ELAVL4: variants seen among roughly 807,000 people sequenced by gnomAD.
The protein encoded by ELAVL4 is ELAV-like protein 4.
In ELAVL4, 1 loss-of-function variant was observed where a neutral mutation model predicts 35.6. That is an observed-to-expected ratio of 0.03 (90% confidence interval 0.01 to 0.13). The LOEUF (loss-of-function observed/expected upper bound fraction) is 0.13. Ranked by LOEUF, ELAVL4 falls within the 10% of genes least tolerant of loss-of-function variation. The probability of loss-of-function intolerance (pLI) is 1.00; values close to 1 mark genes in which losing one functional copy is unlikely to be tolerated. For synonymous variants in ELAVL4, 156 were observed against 171.0 expected (o/e 0.91, Z 0.69); for missense variants, 267 against 464.9 (o/e 0.57, Z 3.91).
At chr1:50,137,796 T>G (rs1672133852) in intron 1 of ELAVL4, among the ~76,000 whole-genome samples, 1 of 152,216 alleles carries the variant, frequency 6.6e-6, no homozygotes, top group African/African-American at 2.4e-5. Flanking sequence ...CTTTTGATTA[T>G]ATTGCTAATC....
At chr1:50,146,464 A>G (rs1673744902) in intron 2 of ELAVL4, among the ~76,000 whole-genome samples, 1 of 152,208 alleles carries the variant, frequency 6.6e-6, no homozygotes, top group Admixed American at 6.5e-5. Flanking sequence ...GACTAGATAT[A>G]TTGCATCTAG....
intron 1 of ELAVL4, among the ~76,000 whole-genome samples, chr1:50,085,347 A>G (rs1665191137): frequency 1.3e-5 from 2 of 152,216 alleles, no homozygotes; most frequent in Admixed American, 1.3e-4. Context: ...TGTAATACAG[A>G]GAACAGCAGT....
intron 6 of ELAVL4, 158 bp from the exon 7 acceptor site, chr1:50,200,693 C>G: frequency 7.1e-7 from 1 of 1,403,690 alleles, no homozygotes; most frequent in Non-Finnish European, 9.6e-7. Context: ...GAGGAAATGA[C>G]ATAGACATTA....
At chr1:50,127,745 A>T (rs1423223157) in intron 1 of ELAVL4, among the ~76,000 whole-genome samples, 2 of 152,134 alleles carry the variant, frequency 1.3e-5, no homozygotes, top group African/African-American at 4.8e-5. Flanking sequence ...CGAGACACAG[A>T]ATGGTTAAGT....
In ELAVL4 at chr1:50,166,224, G is replaced by A. The variant is rs551029571; in HGVS notation, c.251-10865G>A. Among the ~76,000 whole-genome samples the A allele has an allele frequency of 5.7e-4, 86 of 152,160 alleles. 1 individual carries two copies. The highest frequency in any genetic ancestry group is 1.9e-3 in the African/African-American group (79 of 41,512). On this transcript the variant is annotated intron_variant, in intron 2 of 6. Transcript: ENST00000371824. The stretch of plus-strand genomic sequence containing the variant: ...ACCATCACAGGTCCACCCCTTGTCA[G>A]CTTGAACCCATACACATCTCTTGAG...
intron 1 of ELAVL4, among the ~76,000 whole-genome samples, chr1:50,080,061 G>A (rs932055685): frequency 2.0e-5 from 3 of 152,130 alleles, no homozygotes; most frequent in Admixed American, 2.0e-4. Context: ...ATCTGGGATG[G>A]TTAGAACAGC....
intron 1 of ELAVL4, 91 bp from the exon 2 acceptor site, chr1:50,144,866 C>T (rs1673415303): frequency 1.3e-6 from 2 of 1,559,604 alleles, no homozygotes; most frequent in Non-Finnish European, 1.7e-6. Flanking sequence ...ATCTTCTTCT[C>T]TTTCTTTTCA....
At chr1:50,125,423 GA>G (rs990836277) in intron 1 of ELAVL4, among the ~76,000 whole-genome samples, 1 of 151,808 alleles carries the variant, frequency 6.6e-6, no homozygotes, top group African/African-American at 2.4e-5. Context: ...TGATGAGCTG[GA>G]ACCGTCAATG....
chr1:50,182,956 C>A (rs1681271200), intron 3 of ELAVL4, among the ~76,000 whole-genome samples: 1 of 151,670 alleles, frequency 6.6e-6, no homozygotes, highest in Admixed American at 6.6e-5. Flanking sequence ...CTCCCGGGAT[C>A]AAGCAATTCT....
chr1:50,103,917 T>C, upstream of ELAVL4: 1 of 1,613,410 alleles, frequency 6.2e-7, no homozygotes, highest in Non-Finnish European at 8.5e-7. Flanking sequence ...TCAGTCTGAC[T>C]TGGAGTTTTG....
intron 1 of ELAVL4, among the ~76,000 whole-genome samples, chr1:50,126,339 C>A (rs1337106320): frequency 6.6e-6 from 1 of 152,048 alleles, no homozygotes; most frequent in Non-Finnish European, 1.5e-5. Flanking sequence ...AGGCCTGGGG[C>A]TCTGTGAAGA....
intron 1 of ELAVL4, among the ~76,000 whole-genome samples, chr1:50,116,591 C>CT (rs200320996): frequency 9.3e-5 from 14 of 151,050 alleles, no homozygotes; most frequent in African/African-American, 3.2e-4. Context: ...CTGAGTTGAA[C>CT]TTTTTTTTTC....
At position 50,187,271 on chromosome 1, in the gene ELAVL4, C is replaced by A. The variant is rs558936266; in HGVS notation, c.355-6494C>A. ...CCTACATGTCAGGGACTGTTGTATT[C>A]ATCTCTACACCCTTGGTGTCTAGCA... is the stretch of plus-strand genomic sequence containing the variant. On this transcript the variant is annotated intron_variant, in intron 3 of 6. Coordinates refer to ENST00000371824, the MANE Select transcript of ELAVL4 (RefSeq NM_001144774.3). Among the ~76,000 whole-genome samples the A allele has an allele frequency of 9.9e-5, 15 of 152,268 alleles. No homozygotes were observed. The South Asian group carries it at 2.3e-3, about 23-fold the overall frequency.
upstream of ELAVL4, chr1:50,108,791 G>T (rs80221483): frequency 8.5e-6 from 3 of 352,744 alleles, no homozygotes; most frequent in Admixed American, 6.4e-5. Flanking sequence ...CATTAACATC[G>T]TCAATCTGGC....
At chr1:50,056,247 C>G (rs1663663441) in intron 1 of ELAVL4, among the ~76,000 whole-genome samples, 1 of 152,142 alleles carries the variant, frequency 6.6e-6, no homozygotes, top group Non-Finnish European at 1.5e-5. Flanking sequence ...AGTCACACCC[C>G]AAGTTTGTAT....
intron 1 of ELAVL4, among the ~76,000 whole-genome samples, chr1:50,073,506 G>A (rs1263523778): frequency 1.3e-5 from 2 of 151,866 alleles, no homozygotes; most frequent in Non-Finnish European, 2.9e-5. Flanking sequence ...AGGTGTTGAG[G>A]TCTGCAAGAT....
chr1:50,164,812 G>C (rs1677453092), intron 2 of ELAVL4, among the ~76,000 whole-genome samples: 1 of 152,118 alleles, frequency 6.6e-6, no homozygotes, highest in Non-Finnish European at 1.5e-5. Context: ...TTTGGTATTT[G>C]GGAGACTGAA....
chr1:50,128,735 A>G (rs990917457), intron 1 of ELAVL4, among the ~76,000 whole-genome samples: 1 of 152,066 alleles, frequency 6.6e-6, no homozygotes, highest in African/African-American at 2.4e-5. Context: ...GTGGCACAGG[A>G]GAGAACACAG....
At chr1:50,149,421 G>C (rs1674341386) in intron 2 of ELAVL4, among the ~76,000 whole-genome samples, 1 of 151,598 alleles carries the variant, frequency 6.6e-6, no homozygotes, top group South Asian at 2.1e-4. Flanking sequence ...AAAGAAATCA[G>C]TGTAAGACAA....
Sources: gnomAD v4.1 joint callset for allele counts (sites outside exome capture counted in the v4.1 genomes callset) on GRCh38, gnomAD v4.1.1 for gene constraint, MANE v1.5 for transcripts, NCBI Gene and HGNC (gene_info 2026-07-23, HGNC 2026-07-21) for gene names.